SH3GL2: variants seen among roughly 807,000 people sequenced by gnomAD.
SH3GL2 encodes the protein SH3 domain containing GRB2 like 2, endophilin A1, also known as endophilin-A1.
SH3GL2 carries 24 observed loss-of-function variants against 46.0 expected under a neutral mutation model. The observed-to-expected ratio is 0.52, with a 90% CI of 0.38 to 0.73. SH3GL2 has a LOEUF of 0.73. Among genes scored for constraint, SH3GL2 ranks in the 30% least tolerant of loss-of-function variants. The pLI, the probability that SH3GL2 is intolerant of heterozygous loss-of-function variation, is 0.00. For missense variants in SH3GL2, 413 were observed against 424.2 expected, an observed-to-expected ratio of 0.97 and a Z score of 0.23; for synonymous variants, 196 against 147.1, an observed-to-expected ratio of 1.33 and a Z score of -2.40.
chr9:17,654,975 A>G (rs1436998034), intron 1 of SH3GL2, among the ~76,000 whole-genome samples: 1 of 152,220 alleles, frequency 6.6e-6, no homozygotes, highest in Non-Finnish European at 1.5e-5. Context: ...TACTGGAAGA[A>G]ACCATAGTTT....
intron 3 of SH3GL2, among the ~76,000 whole-genome samples, chr9:17,770,666 G>A (rs1175305236): frequency 6.6e-6 from 1 of 152,226 alleles, no homozygotes; most frequent in Non-Finnish European, 1.5e-5. Context: ...GACAGTCTTA[G>A]CAGACTAATA....
chr9:17,655,615 A>G (rs1820055621), intron 1 of SH3GL2, among the ~76,000 whole-genome samples: 2 of 152,234 alleles, frequency 1.3e-5, no homozygotes, highest in African/African-American at 4.8e-5. Flanking sequence ...ATTTATTTAA[A>G]CATATAATTT....
At chr9:17,741,277 A>G (rs10963244) in intron 1 of SH3GL2, among the ~76,000 whole-genome samples, 24,217 of 152,178 alleles carry the variant, frequency 0.16, 2,241 homozygotes, top group Admixed American at 0.25. Flanking sequence ...TACACACAAA[A>G]ACACATTTGC....
intron 1 of SH3GL2, chr9:17,590,059 T>C (rs1818451681): frequency 1.3e-5 from 2 of 152,196 alleles, no homozygotes; most frequent in Admixed American, 1.3e-4. Context: ...ATCTGAGTGG[T>C]AAGTAACCTG....
At chr9:17,707,907 C>T (rs970317859) in intron 1 of SH3GL2, among the ~76,000 whole-genome samples, 8 of 152,038 alleles carry the variant, frequency 5.3e-5, no homozygotes, top group Admixed American at 3.9e-4. Flanking sequence ...TTACTCTTCA[C>T]GTGTCTCCCA....
intron 1 of SH3GL2, among the ~76,000 whole-genome samples, chr9:17,682,554 T>C (rs1820799634): frequency 6.6e-6 from 1 of 151,900 alleles, no homozygotes; most frequent in Non-Finnish European, 1.5e-5. Flanking sequence ...CAGGGCCTGT[T>C]GTGGAGGGAG....
intron 1 of SH3GL2, among the ~76,000 whole-genome samples, chr9:17,671,024 G>A (rs1820461586): frequency 6.6e-6 from 1 of 152,148 alleles, no homozygotes; most frequent in South Asian, 2.1e-4. Flanking sequence ...TTAGTAGAAT[G>A]GCTTATGGAG....
intron 1 of SH3GL2, among the ~76,000 whole-genome samples, chr9:17,703,083 C>T (rs1821378233): frequency 6.6e-6 from 1 of 152,000 alleles, no homozygotes; most frequent in African/African-American, 2.4e-5. Context: ...CAGACATTGT[C>T]AGGACCCTCA....
At chr9:17,754,524 T>A (rs1416609170) in intron 2 of SH3GL2, among the ~76,000 whole-genome samples, 1 of 151,932 alleles carries the variant, frequency 6.6e-6, no homozygotes, top group Non-Finnish European at 1.5e-5. Flanking sequence ...ATACAAAAAA[T>A]TAGCTGGGTA....
At chr9:17,709,192 A>G (rs985207104) in intron 1 of SH3GL2, among the ~76,000 whole-genome samples, 2 of 152,044 alleles carry the variant, frequency 1.3e-5, no homozygotes, top group African/African-American at 4.8e-5. Flanking sequence ...TTTGGGGACC[A>G]TGAAGAATCC....
chr9:17,594,470 A>AT (rs1248067688), intron 1 of SH3GL2, among the ~76,000 whole-genome samples: 1 of 150,112 alleles, frequency 6.7e-6, no homozygotes, highest in Non-Finnish European at 1.5e-5. Flanking sequence ...GAGAGGAACA[A>AT]CACACACCAG....
At chr9:17,783,530 A>G (rs762399231) in intron 3 of SH3GL2, among the ~76,000 whole-genome samples, 1 of 151,996 alleles carries the variant, frequency 6.6e-6, no homozygotes, top group Non-Finnish European at 1.5e-5. Context: ...TGTTCCCAGA[A>G]TTAGAAAGCT....
At chr9:17,778,983 A>C (rs545366706) in intron 3 of SH3GL2, among the ~76,000 whole-genome samples, 8 of 152,228 alleles carry the variant, frequency 5.3e-5, no homozygotes, top group Admixed American at 1.3e-4. Flanking sequence ...ACATCCTAGT[A>C]CAGTCAAGTA....
chr9:17,684,872 A>G (rs1820864243), intron 1 of SH3GL2, among the ~76,000 whole-genome samples: 1 of 152,154 alleles, frequency 6.6e-6, no homozygotes, highest in South Asian at 2.1e-4. Flanking sequence ...AAGTGATCTT[A>G]TTACTCTTCA....
At chr9:17,703,141 A>C (rs2118216963) in intron 1 of SH3GL2, among the ~76,000 whole-genome samples, 1 of 152,210 alleles carries the variant, frequency 6.6e-6, no homozygotes, top group Middle Eastern at 3.4e-3. Context: ...AGGTAGTAGT[A>C]GCCTGGGTGT....
intron 1 of SH3GL2, among the ~76,000 whole-genome samples, chr9:17,665,855 G>T (rs544409092): frequency 6.7e-6 from 1 of 148,800 alleles, no homozygotes; most frequent in African/African-American, 2.5e-5. Flanking sequence ...AAATAAATAT[G>T]CATCTGTCTG....
Position 17,795,816 on chromosome 9 carries a change from T to G in SH3GL2, c.*73T>G. On this transcript the variant is annotated 3_prime_UTR_variant, in exon 9 of 9. Coordinates refer to ENST00000380607, the MANE Select transcript of SH3GL2 (RefSeq NM_003026.5). ...TTAACCACTGCTTTGGCAATGCTGCTTATAACACATCCCAAGTGCAGGCCG... is the reference window on the plus strand; with the variant it reads ...TTAACCACTGCTTTGGCAATGCTGCGTATAACACATCCCAAGTGCAGGCCG... The G allele has an allele frequency of 8.1e-7, 1 of 1,232,934 alleles. No individual in the cohort carries two copies. The highest frequency in any genetic ancestry group is 1.2e-6 in the Non-Finnish European group (1 of 859,008). The allele number at this position is 1,232,934 out of a possible 1,614,324, so 76.4% of individuals were successfully genotyped here.
rs142625795 is a variant in SH3GL2 at position 17,773,165 on chromosome 9, A to G, written c.187+11656A>G. On this transcript the variant is annotated intron_variant, in intron 3 of 8. Transcript: ENST00000380607. ...GAAATGTCAATTCAAGCCTTCGCTC[A>G]TTTATTAATCCAGTTGTTTGGGTTT... is the stretch of plus-strand genomic sequence containing the variant. Among the ~76,000 whole-genome samples, 9 of 152,140 alleles carry G rather than the reference A, an allele frequency of 5.9e-5. No individual in the cohort carries two copies. The East Asian group carries it at 1.7e-3, about 29-fold the overall frequency.
At chr9:17,758,396 A>C (rs1304978371) in intron 2 of SH3GL2, among the ~76,000 whole-genome samples, 1 of 151,534 alleles carries the variant, frequency 6.6e-6, no homozygotes, top group Non-Finnish European at 1.5e-5. Flanking sequence ...CCCCGTCTCT[A>C]CCAAAAAATA....
Sources: gnomAD v4.1 joint callset for allele counts (sites outside exome capture counted in the v4.1 genomes callset) on GRCh38, gnomAD v4.1.1 for gene constraint, MANE v1.5 for transcripts, NCBI Gene and HGNC (gene_info 2026-07-23, HGNC 2026-07-21) for gene names.